CDON: variants seen among roughly 807,000 people sequenced by gnomAD.
CDON encodes the protein cell adhesion associated, oncogene regulated.
Under a neutral mutation model 120.9 loss-of-function variants are expected in CDON, and 73 were observed. The observed-to-expected ratio is 0.60, with a 90% CI of 0.50 to 0.73. The LOEUF (loss-of-function observed/expected upper bound fraction) is 0.73, where lower values mean the gene tolerates loss of function less well. Among genes scored for constraint, CDON ranks in the 30% least tolerant of loss-of-function variants. CDON has a pLI of 0.00. For missense variants in CDON, 1,470 were observed against 1,587.3 expected, an observed-to-expected ratio of 0.93 and a Z score of 1.26; for synonymous variants, 566 against 573.5, an observed-to-expected ratio of 0.99 and a Z score of 0.19.
chr11:126,021,110 A>T, intron 3 of CDON, 138 bp downstream of exon 3: 1 of 854,806 alleles, frequency 1.2e-6, no homozygotes, highest in Non-Finnish European at 1.8e-6. Flanking sequence ...CAATATACTC[A>T]CAGCAAGAGT....
At chr11:125,984,168 G>A in intron 15 of CDON, 75 bp from the exon 16 acceptor site, 2 of 1,052,932 alleles carry the variant, frequency 1.9e-6, no homozygotes, top group East Asian at 4.9e-5. Context: ...CTCTGAAGGA[G>A]GTCTGGTTAG....
At chr11:126,018,230 G>T (rs1947528240) in intron 5 of CDON, 100 bp downstream of exon 5, 4 of 1,280,920 alleles carry the variant, frequency 3.1e-6, no homozygotes, top group Non-Finnish European at 4.5e-6. Context: ...GACTTTTTAT[G>T]ATAAACAAAC....
chr11:126,017,810 A>G (rs1335949219), intron 5 of CDON, among the ~76,000 whole-genome samples: 3 of 151,818 alleles, frequency 2.0e-5, no homozygotes, highest in Non-Finnish European at 2.9e-5. Flanking sequence ...AAAATTCTCC[A>G]CATGTATTCA....
At chr11:125,985,698 A>G (rs997886856) in intron 15 of CDON, among the ~76,000 whole-genome samples, 1 of 152,208 alleles carries the variant, frequency 6.6e-6, no homozygotes, top group East Asian at 1.9e-4. Context: ...TACTCAGTTG[A>G]ACAGACACAT....
Position 125,961,069 on chromosome 11 carries a change from A to G in CDON, c.3668T>C (p.Ile1223Thr), listed in dbSNP as rs1945629515. 1.9e-6 allele frequency: 3 copies of G among 1,613,892 alleles called. No homozygotes were observed. The highest frequency in any genetic ancestry group is 1.3e-5 in the African/African-American group (1 of 74,908). Residue 1223 changes from isoleucine (I) to threonine (T), a missense_variant, in exon 20 of 20, where the codon ATT becomes ACT. Ile to Thr is a moderately conservative substitution (Grantham distance 89). Coordinates refer to ENST00000531738, the MANE Select transcript of CDON (RefSeq NM_001378964.1). The part of the protein sequence containing the change: ...SCAHSETEIN[I>T]VSWNALILPP... ...CAAAATAAGAGCATTCCAACTTACA[A>G]TGTTGATCTCTGTTTCTGAATGGGC...
chr11:125,965,141 G>A (rs1349515887), intron 18 of CDON, among the ~76,000 whole-genome samples: 2 of 152,140 alleles, frequency 1.3e-5, no homozygotes, highest in African/African-American at 4.8e-5. Flanking sequence ...GTGTTGCCCA[G>A]GCTGGTCTCA....
chr11:125,980,835 T>G (rs1005748534), intron 17 of CDON, among the ~76,000 whole-genome samples: 1 of 152,214 alleles, frequency 6.6e-6, no homozygotes, highest in Non-Finnish European at 1.5e-5. Context: ...AATTTTAAAA[T>G]GAAACTAAAC....
rs1945501821 is a variant in CDON, at chr11:125,956,895, G to C, written c.*4047C>G. On this transcript the variant is annotated 3_prime_UTR_variant, in exon 20 of 20. Coordinates refer to ENST00000531738, the MANE Select transcript of CDON (RefSeq NM_001378964.1). ...CTCAAAGCTCTCAGGACTGGGGCTAGGGTTTAAGGAAGGCTTATTTAAATA... is the reference window on the plus strand; with the variant it reads ...CTCAAAGCTCTCAGGACTGGGGCTACGGTTTAAGGAAGGCTTATTTAAATA... 2 of 971,570 alleles carry C rather than the reference G, an allele frequency of 2.1e-6. No homozygotes were observed. Among genetic ancestry groups the C allele is most frequent in the Non-Finnish European group, 2.4e-6 (2 of 817,440 alleles). The allele number at this position is 971,570 out of a possible 1,614,324, so 60.2% of individuals were successfully genotyped here. A position where few individuals can be genotyped will look rare whatever the true frequency, so the allele number is the denominator to read the frequency against.
chr11:126,054,514 C>T (rs1473588416), intron 1 of CDON, among the ~76,000 whole-genome samples: 1 of 152,130 alleles, frequency 6.6e-6, no homozygotes, highest in East Asian at 1.9e-4. Flanking sequence ...ACTCCCTGAA[C>T]TTGAGAGTCA....
intron 1 of CDON, among the ~76,000 whole-genome samples, chr11:126,038,239 C>T (rs376810739): frequency 1.3e-5 from 2 of 152,234 alleles, no homozygotes; most frequent in South Asian, 2.1e-4. Flanking sequence ...ACTTTGTGAA[C>T]GTCACAGCCA....
intron 18 of CDON, among the ~76,000 whole-genome samples, chr11:125,972,433 A>C (rs1269250374): frequency 2.6e-5 from 4 of 152,214 alleles, no homozygotes; most frequent in African/African-American, 7.2e-5. Context: ...TCTCAAAAAA[A>C]ACAAAAGAAA....
rs181234722 is a variant in CDON at position 126,060,015 on chromosome 11, C to T, written c.-62+2564G>A. 1.6e-4 allele frequency among the ~76,000 whole-genome samples: 25 copies of T among 151,746 alleles called. No homozygotes were observed. In the East Asian group the frequency reaches 4.5e-3, roughly 27 times the overall value. On this transcript the variant is annotated intron_variant, in intron 1 of 19. Coordinates refer to ENST00000531738, the MANE Select transcript of CDON (RefSeq NM_001378964.1). ...AGTGACATTAAGAATATTCCATACACCATCCCTTCTTTTTAACAAAAAAGA... is the reference window on the plus strand; with the variant it reads ...AGTGACATTAAGAATATTCCATACATCATCCCTTCTTTTTAACAAAAAAGA...
chr11:126,040,933 G>A (rs570000921), intron 1 of CDON, among the ~76,000 whole-genome samples: 180 of 135,692 alleles, frequency 1.3e-3, no homozygotes, highest in African/African-American at 4.7e-3. Context: ...GCTCACGCCT[G>A]TAATCCCAGC....
intron 3 of CDON, among the ~76,000 whole-genome samples, 181 bp downstream of exon 3, chr11:126,021,067 G>A (rs1239908956): frequency 6.6e-6 from 1 of 151,964 alleles, no homozygotes; most frequent in Non-Finnish European, 1.5e-5. Context: ...GAGGGCATGA[G>A]GCCAGGCTCA....
chr11:125,986,523 T>G (rs1946466128), intron 15 of CDON, among the ~76,000 whole-genome samples: 2 of 152,184 alleles, frequency 1.3e-5, no homozygotes, highest in Admixed American at 1.3e-4. Context: ...CCCAGCACTT[T>G]GGGAGGCGGA....
chr11:126,010,736 G>A, intron 7 of CDON, 42 bp from the exon 8 acceptor site: 6 of 1,518,102 alleles, frequency 4.0e-6, no homozygotes, highest in Non-Finnish European at 5.5e-6. Context: ...GAAGAACATT[G>A]TAGTACCTAC....
chr11:126,011,346 C>T (rs1005042883), intron 7 of CDON, among the ~76,000 whole-genome samples: 2 of 152,152 alleles, frequency 1.3e-5, no homozygotes, highest in Non-Finnish European at 2.9e-5. Context: ...TCTAGCATGT[C>T]TGTCTTTTTC....
At chr11:126,013,576 ATT>A (rs1394498539) in intron 7 of CDON, among the ~76,000 whole-genome samples, 1 of 152,008 alleles carries the variant, frequency 6.6e-6, no homozygotes, top group Non-Finnish European at 1.5e-5. Context: ...CTTTATTATA[ATT>A]TTTTGTCACA....
chr11:126,005,911 GT>G lies in CDON; in HGVS notation c.1698del (p.Pro567GlnfsTer17). The G allele has an allele frequency of 6.2e-7, 1 of 1,614,166 alleles. No homozygotes were observed. The highest frequency in any genetic ancestry group is 1.1e-5 in the South Asian group (1 of 91,072). On this transcript the variant is annotated frameshift_variant, in exon 9 of 20. Transcript: ENST00000531738. LOFTEE classifies it high-confidence loss of function. ...VKVHPSAVES[A>X]PEKNASGISV... ...GAGATGCCGCTGGCGTTTTTCTCTG[GT>G]GCTGATTCCACTGCACTGGGATGGA...
Sources: gnomAD v4.1 joint callset for allele counts (sites outside exome capture counted in the v4.1 genomes callset) on GRCh38, gnomAD v4.1.1 for gene constraint, MANE v1.5 for transcripts, NCBI Gene and HGNC (gene_info 2026-07-23, HGNC 2026-07-21) for gene names.